The following ZFHX3 variants were observed in gnomAD, a reference collection of about 807,000 sequenced individuals.
The protein encoded by ZFHX3 is zinc finger homeobox protein 3.
In ZFHX3, 42 loss-of-function variants were observed where a neutral mutation model predicts 279.1. The ratio of observed to expected loss-of-function variants is 0.15; its 90% CI spans 0.12 to 0.19. The LOEUF is 0.19. Among genes scored for constraint, ZFHX3 ranks in the 10% least tolerant of loss-of-function variants. ZFHX3 has a pLI of 1.00. For missense variants in ZFHX3, 4,981 were observed against 4,754.0 expected (o/e 1.05, Z -1.40); for synonymous variants, 2,293 against 1,957.8 (o/e 1.17, Z -4.52).
intron 1 of ZFHX3, among the ~76,000 whole-genome samples, chr16:73,878,361 T>C (rs1471377215): frequency 2.0e-5 from 3 of 152,118 alleles, no homozygotes; most frequent in Non-Finnish European, 4.4e-5. Context: ...ATAAAGAAGA[T>C]GCAAAGTTTG....
At chr16:73,880,098 G>C (rs1033797495) in intron 1 of ZFHX3, among the ~76,000 whole-genome samples, 1 of 152,068 alleles carries the variant, frequency 6.6e-6, no homozygotes, top group African/African-American at 2.4e-5. Flanking sequence ...ATTACTTCAG[G>C]GCTGATGAGC....
chr16:73,632,050 T>C (rs1414473390), intron 2 of ZFHX3, among the ~76,000 whole-genome samples: 1 of 151,432 alleles, frequency 6.6e-6, no homozygotes, highest in Non-Finnish European at 1.5e-5. Flanking sequence ...AACTAAAAAA[T>C]GAAAAGAGGA....
rs940132056 is a variant in ZFHX3, at chr16:72,984,188, A to C, written c.-49-23994T>G. On this transcript the variant is annotated intron_variant, in intron 1 of 9. Coordinates refer to ENST00000268489, the MANE Select transcript of ZFHX3 (RefSeq NM_006885.4). ...GGCTCCTCTCAGGCAGCAAAGAGGA[A>C]TAAGCAAGCCACAGGCTGCAGCCTG... 1.1e-4 allele frequency among the ~76,000 whole-genome samples: 17 copies of C among 152,324 alleles called. 1 individual carries two copies. The highest frequency in any genetic ancestry group is 3.4e-3 in the Middle Eastern group (1 of 294).
At chr16:73,578,864 A>G (rs1275737611) in intron 2 of ZFHX3, among the ~76,000 whole-genome samples, 1 of 152,166 alleles carries the variant, frequency 6.6e-6, no homozygotes, top group East Asian at 1.9e-4. Flanking sequence ...TATGTAAACC[A>G]AAAAACAAAA....
intron 7 of ZFHX3, among the ~76,000 whole-genome samples, chr16:73,123,083 C>T (rs919756552): frequency 2.0e-5 from 3 of 151,524 alleles, no homozygotes. Context: ...GAGGACACTC[C>T]CCACCCTCTA....
At chr16:73,668,236 A>T (rs13333756) in intron 2 of ZFHX3, among the ~76,000 whole-genome samples, 8,423 of 152,042 alleles carry the variant, frequency 0.055, 799 homozygotes, top group African/African-American at 0.19. Flanking sequence ...GAAATGTACA[A>T]CTCTAGAGTT....
intron 4 of ZFHX3, among the ~76,000 whole-genome samples, chr16:72,885,551 GTCATCCACAGGGCAGAAACTATTGCAGAA>G (rs1328087779): frequency 1.1e-4 from 16 of 152,094 alleles, no homozygotes; most frequent in Non-Finnish European, 1.5e-4. Flanking sequence ...GGTATTTTTT[GTCATCCACAGGGCAGAAACTATTGCAGAA>G]TCATCCACAG....
At chr16:73,087,212 A>G (rs964803752) in intron 8 of ZFHX3, among the ~76,000 whole-genome samples, 2 of 152,226 alleles carry the variant, frequency 1.3e-5, no homozygotes, top group African/African-American at 2.4e-5. Flanking sequence ...AAAACTAGAC[A>G]GGCTGGTCCA....
At position 72,788,128 on chromosome 16, in the gene ZFHX3, A is replaced by C; in HGVS notation, c.10148T>G (p.Leu3383Arg). The C allele has an allele frequency of 6.3e-7, 1 of 1,596,138 alleles. No individual in the cohort carries two copies. Among genetic ancestry groups the C allele is most frequent in the Non-Finnish European group, 8.6e-7 (1 of 1,167,688 alleles). ...EAIQQQQQRQ[L>R]QQQQQQKVQQ... ...CACTTTTTGCTGCTGCTGCTGCTGTAGTTGCCGCTGCTGCTGCTGCTGAAT... is the reference window on the plus strand; with the variant it reads ...CACTTTTTGCTGCTGCTGCTGCTGTCGTTGCCGCTGCTGCTGCTGCTGAAT... Residue 3383 changes from leucine to arginine, a missense_variant, in exon 10 of 10, where the codon CTA (leucine) becomes CGA (arginine). By Grantham distance (102) the Leu-to-Arg change is moderately radical. Coordinates refer to ENST00000268489, the MANE Select transcript of ZFHX3 (RefSeq NM_006885.4).
At chr16:73,468,324 A>T (rs2018607216) in intron 2 of ZFHX3, among the ~76,000 whole-genome samples, 1 of 152,186 alleles carries the variant, frequency 6.6e-6, no homozygotes, top group African/African-American at 2.4e-5. Flanking sequence ...AGCATGCACA[A>T]GCCACCCCTT....
At chr16:73,494,082 G>A (rs914351145) in intron 2 of ZFHX3, among the ~76,000 whole-genome samples, 1 of 152,038 alleles carries the variant, frequency 6.6e-6, no homozygotes. Context: ...TCTTGAAGCT[G>A]GCAGGCAAAG....
At chr16:73,889,520 G>A (rs569583401) in intron 1 of ZFHX3, among the ~76,000 whole-genome samples, 1 of 152,170 alleles carries the variant, frequency 6.6e-6, no homozygotes, top group Non-Finnish European at 1.5e-5. Flanking sequence ...AATGGAAAAA[G>A]GCGAACAAAC....
chr16:73,614,018 T>C (rs768962844), intron 2 of ZFHX3, among the ~76,000 whole-genome samples: 7 of 152,238 alleles, frequency 4.6e-5, no homozygotes, highest in Non-Finnish European at 7.3e-5. Flanking sequence ...CCGAGCTTTC[T>C]GCTACCTCCA....
intron 1 of ZFHX3, among the ~76,000 whole-genome samples, chr16:73,853,931 G>T (rs1199943783): frequency 2.0e-5 from 3 of 152,130 alleles, no homozygotes; most frequent in Non-Finnish European, 4.4e-5. Context: ...ATTATCACTT[G>T]GTCATTCATC....
chr16:73,179,071 C>T (rs1395012311), intron 5 of ZFHX3, among the ~76,000 whole-genome samples: 1 of 152,216 alleles, frequency 6.6e-6, no homozygotes, highest in Non-Finnish European at 1.5e-5. Flanking sequence ...GTAACTCATA[C>T]AGTTAGCATC....
intron 4 of ZFHX3, among the ~76,000 whole-genome samples, chr16:73,297,023 G>A (rs928741095): frequency 1.7e-4 from 25 of 149,802 alleles, no homozygotes; most frequent in Admixed American, 9.2e-4. Flanking sequence ...GACTACAGGC[G>A]CCCACCACCC....
chr16:73,512,438 C>A (rs1259772726), intron 2 of ZFHX3, among the ~76,000 whole-genome samples: 1 of 131,344 alleles, frequency 7.6e-6, no homozygotes, highest in East Asian at 2.4e-4. Context: ...CAGAGCGAGA[C>A]TCCGTCTCAA....
At chr16:73,302,335 C>T (rs1454283248) in intron 4 of ZFHX3, among the ~76,000 whole-genome samples, 3 of 152,002 alleles carry the variant, frequency 2.0e-5, no homozygotes, top group African/African-American at 4.8e-5. Flanking sequence ...ATTGGCTTGC[C>T]CAGCAACCTT....
intron 3 of ZFHX3, among the ~76,000 whole-genome samples, chr16:73,343,233 A>G (rs2016066911): frequency 6.6e-6 from 1 of 152,084 alleles, no homozygotes; most frequent in South Asian, 2.1e-4. Context: ...GTGTGTGTGT[A>G]TGTATGCATA....
Sources: gnomAD v4.1 joint callset for allele counts (sites outside exome capture counted in the v4.1 genomes callset) on GRCh38, gnomAD v4.1.1 for gene constraint, MANE v1.5 for transcripts, NCBI Gene and HGNC (gene_info 2026-07-23, HGNC 2026-07-21) for gene names.